NTM: variants seen among roughly 807,000 people sequenced by gnomAD.
NTM encodes the protein IgLON family member 2.
Under a neutral mutation model 42.1 loss-of-function variants are expected in NTM, and 13 were observed. The ratio of observed to expected loss-of-function variants is 0.31; its 90% CI spans 0.20 to 0.49. The LOEUF is 0.49. Ranked by LOEUF, NTM falls within the 20% of genes least tolerant of loss-of-function variation. The pLI is 0.99. For synonymous variants in NTM, 187 were observed against 179.2 expected (o/e 1.04, Z -0.35); for missense variants, 373 against 452.8 (o/e 0.82, Z 1.60).
At chr11:132,233,851 C>T (rs2088172756) in intron 4 of NTM, among the ~76,000 whole-genome samples, 1 of 152,228 alleles carries the variant, frequency 6.6e-6, no homozygotes. Flanking sequence ...CCTCAGCACT[C>T]TGTGAAGTTG....
At chr11:131,880,774 C>T (rs779582996) in intron 1 of NTM, among the ~76,000 whole-genome samples, 1 of 151,994 alleles carries the variant, frequency 6.6e-6, no homozygotes, top group Non-Finnish European at 1.5e-5. Context: ...CTTGTGGCAC[C>T]TGGAAGGATA....
At chr11:131,664,753 G>GTTTTTTTTTTTTTTTTTT (rs199824869) in intron 1 of NTM, among the ~76,000 whole-genome samples, 13 of 112,914 alleles carry the variant, frequency 1.2e-4, no homozygotes, top group African/African-American at 4.0e-4. Flanking sequence ...CTCTTCCATT[G>GTTTTTTTTTTTTTTTTTT]TTTTTTTTTT....
intron 2 of NTM, among the ~76,000 whole-genome samples, chr11:131,998,997 C>T (rs1227946301): frequency 6.6e-6 from 1 of 152,152 alleles, no homozygotes; most frequent in East Asian, 1.9e-4. Flanking sequence ...ATTGTTTTCT[C>T]TTCCCTTCTT....
At chr11:132,334,348 A>C (rs188086485) in intron 8 of NTM, among the ~76,000 whole-genome samples, 4 of 152,290 alleles carry the variant, frequency 2.6e-5, no homozygotes, top group Admixed American at 2.6e-4. Flanking sequence ...TTACATCCAC[A>C]TGCACAGGAA....
At chr11:131,857,483 A>G (rs921425541) in intron 1 of NTM, among the ~76,000 whole-genome samples, 1 of 151,992 alleles carries the variant, frequency 6.6e-6, no homozygotes, top group African/African-American at 2.4e-5. Flanking sequence ...TCTCCCTCCC[A>G]TAGTACTCAC....
At chr11:131,613,298 C>T (rs1306254101) in intron 1 of NTM, among the ~76,000 whole-genome samples, 8 of 152,114 alleles carry the variant, frequency 5.3e-5, no homozygotes, top group South Asian at 2.1e-4. Flanking sequence ...CAGGGACACC[C>T]GCCTGACTTC....
intron 1 of NTM, among the ~76,000 whole-genome samples, chr11:131,713,248 C>T (rs541931688): frequency 3.9e-4 from 60 of 152,208 alleles, no homozygotes; most frequent in Admixed American, 2.2e-3. Flanking sequence ...GACACAATGC[C>T]GTAATACAAG....
Position 132,181,307 on chromosome 11 carries a change from T to C in NTM, c.401-30715T>C, listed in dbSNP as rs368289859. Among the ~76,000 whole-genome samples the C allele has an allele frequency of 6.0e-4, 92 of 152,326 alleles. 5 individuals carry two copies. The highest frequency in any genetic ancestry group is 2.1e-3 in the African/African-American group (87 of 41,580). On this transcript the variant is annotated intron_variant, in intron 3 of 8. Coordinates refer to ENST00000683400, the MANE Select transcript of NTM (RefSeq NM_001352005.2). ...TTGAATCTTCCTTTTATGTTTTTCC[T>C]AGGTGATGCTACTCCATCATGGCAT... is the stretch of plus-strand genomic sequence containing the variant.
intron 2 of NTM, among the ~76,000 whole-genome samples, chr11:132,018,656 A>G (rs1320545277): frequency 1.3e-5 from 2 of 151,980 alleles, no homozygotes; most frequent in South Asian, 2.1e-4. Context: ...TTTTGCATCT[A>G]TGTTTATGAG....
At chr11:132,100,614 C>T (rs1030368830) in intron 2 of NTM, among the ~76,000 whole-genome samples, 3 of 152,194 alleles carry the variant, frequency 2.0e-5, no homozygotes, top group Admixed American at 1.3e-4. Context: ...CAAACTTACT[C>T]GAATGGCCAT....
intron 1 of NTM, among the ~76,000 whole-genome samples, chr11:131,504,011 C>G (rs1190602685): frequency 6.6e-6 from 1 of 152,156 alleles, no homozygotes; most frequent in Non-Finnish European, 1.5e-5. Flanking sequence ...AAGACATGGC[C>G]TTATAAGAAT....
At chr11:132,290,919 G>A (rs10894532) in intron 4 of NTM, among the ~76,000 whole-genome samples, 29,603 of 152,092 alleles carry the variant, frequency 0.19, 3,990 homozygotes, top group East Asian at 0.63. Flanking sequence ...TATGACAAAA[G>A]ATAAGATGAC....
At chr11:131,687,241 C>T (rs1479066362) in intron 1 of NTM, among the ~76,000 whole-genome samples, 3 of 152,248 alleles carry the variant, frequency 2.0e-5, no homozygotes, top group Non-Finnish European at 2.9e-5. Flanking sequence ...GTGACAACAC[C>T]GTCACGCGTG....
intron 1 of NTM, among the ~76,000 whole-genome samples, chr11:131,653,206 G>A (rs2066733698): frequency 6.6e-6 from 1 of 152,096 alleles, no homozygotes; most frequent in Non-Finnish European, 1.5e-5. Flanking sequence ...CTTTCTTAGG[G>A]ACCTTTTTTT....
chr11:131,827,958 G>C (rs968193734), intron 1 of NTM, among the ~76,000 whole-genome samples: 1 of 152,072 alleles, frequency 6.6e-6, no homozygotes, highest in Non-Finnish European at 1.5e-5. Context: ...ATTTTTCTCA[G>C]TGTTGGATCC....
intron 1 of NTM, among the ~76,000 whole-genome samples, chr11:131,431,548 G>A (rs1948652968): frequency 6.6e-6 from 1 of 152,298 alleles, no homozygotes; most frequent in African/African-American, 2.4e-5. Context: ...CTGCTTACCT[G>A]CTTCCCTCCA....
chr11:131,915,839 T>C (rs149284162), intron 2 of NTM, among the ~76,000 whole-genome samples: 4 of 152,302 alleles, frequency 2.6e-5, no homozygotes, highest in Non-Finnish European at 5.9e-5. Flanking sequence ...CAGAGCAGTA[T>C]GGGGAAAACT....
At chr11:132,289,145 G>C (rs1276293856) in intron 4 of NTM, among the ~76,000 whole-genome samples, 1 of 152,096 alleles carries the variant, frequency 6.6e-6, no homozygotes, top group East Asian at 1.9e-4. Flanking sequence ...TTTAAGATCT[G>C]GCAATTTGCA....
intron 1 of NTM, among the ~76,000 whole-genome samples, chr11:131,466,879 G>A (rs1533339): frequency 0.067 from 10,224 of 151,718 alleles, 811 homozygotes; most frequent in East Asian, 0.19. Flanking sequence ...TTCCTCACTC[G>A]GTCACACTTT....
Sources: allele counts gnomAD v4.1 joint callset (sites outside exome capture counted in the v4.1 genomes callset), GRCh38; gene constraint gnomAD v4.1.1; transcripts MANE v1.5; gene names NCBI Gene and HGNC (gene_info 2026-07-23, HGNC 2026-07-21).